GRIK1: variants seen among roughly 807,000 people sequenced by gnomAD.
GRIK1 encodes glutamate ionotropic receptor kainate type subunit 1.
A neutral mutation model predicts 105.7 loss-of-function variants in GRIK1; 69 were observed. That is an observed-to-expected ratio of 0.65 (90% CI 0.54 to 0.80). The LOEUF is 0.80. Ranked by LOEUF, GRIK1 falls within the 30% of genes least tolerant of loss-of-function variation. The pLI is 0.00. For synonymous variants in GRIK1, 438 were observed against 431.3 expected (o/e 1.02, Z -0.19); for missense variants, 1,109 against 1,167.3 (o/e 0.95, Z 0.73).
chr21:29,876,758 A>G (rs1172630858), intron 1 of GRIK1, among the ~76,000 whole-genome samples: 1 of 152,194 alleles, frequency 6.6e-6, no homozygotes, highest in African/African-American at 2.4e-5. Context: ...AATCTAGAAC[A>G]TTTTGGAGAA....
At chr21:29,904,582 C>T (rs981962824) in intron 1 of GRIK1, among the ~76,000 whole-genome samples, 5 of 152,148 alleles carry the variant, frequency 3.3e-5, no homozygotes, top group Non-Finnish European at 7.3e-5. Flanking sequence ...CTTCTCAGAC[C>T]TACTGCAATC....
chr21:29,818,763 C>T (rs1410194614), intron 1 of GRIK1, among the ~76,000 whole-genome samples: 1 of 152,012 alleles, frequency 6.6e-6, no homozygotes, highest in Non-Finnish European at 1.5e-5. Context: ...AGATACAGAA[C>T]CCACAGTGAC....
chr21:29,581,330 C>T, intron 13 of GRIK1, 95 bp downstream of exon 13: 1 of 762,872 alleles, frequency 1.3e-6, no homozygotes, highest in Admixed American at 2.0e-5. Context: ...GATGGTGTTT[C>T]ATCCTACCCT....
intron 1 of GRIK1, among the ~76,000 whole-genome samples, chr21:29,719,431 A>G (rs1165800969): frequency 2.6e-5 from 4 of 152,158 alleles, no homozygotes; most frequent in East Asian, 1.9e-4. Flanking sequence ...TCAGCCTTAC[A>G]GAGCAGAGCT....
intron 1 of GRIK1, among the ~76,000 whole-genome samples, chr21:29,912,287 C>T (rs1276464081): frequency 6.6e-6 from 1 of 152,070 alleles, no homozygotes; most frequent in Non-Finnish European, 1.5e-5. Flanking sequence ...ATTCCAAACC[C>T]CTCCCTGACC....
chr21:29,905,619 A>ATT (rs869179451), intron 1 of GRIK1, among the ~76,000 whole-genome samples: 1,433 of 72,552 alleles, frequency 0.02, 36 homozygotes, highest in African/African-American at 0.031. Flanking sequence ...CAAATTTTGT[A>ATT]TTTTTTTTTT....
At chr21:29,914,801 T>C (rs1415267425) in intron 1 of GRIK1, among the ~76,000 whole-genome samples, 2 of 151,982 alleles carry the variant, frequency 1.3e-5, no homozygotes, top group African/African-American at 4.8e-5. Flanking sequence ...TAAATTTGTA[T>C]TGAGTGTTTT....
chr21:29,602,264 T>C (rs780520834), intron 7 of GRIK1, among the ~76,000 whole-genome samples: 5 of 152,222 alleles, frequency 3.3e-5, no homozygotes, highest in Non-Finnish European at 7.3e-5. Context: ...CTGGGCTATA[T>C]AAAACATAAA....
In GRIK1 at chr21:29,883,190, GA is replaced by G. The variant is rs2069488157; in HGVS notation, c.118+56192del. Among the ~76,000 whole-genome samples, 3 of 152,034 alleles carry G rather than the reference GA, an allele frequency of 2.0e-5. No individual in the cohort carries two copies. The South Asian group carries it at 6.2e-4, about 32-fold the overall frequency. On this transcript the variant is annotated intron_variant, in intron 1 of 17. Transcript: ENST00000327783. ...GTGGTTTTCAGATATCGGGAAGTAG[GA>G]AAATGTATTTGTATATTCTACAAAA...
intron 7 of GRIK1, chr21:29,630,463 G>A (rs955179959): frequency 8.5e-6 from 4 of 470,184 alleles, no homozygotes; most frequent in South Asian, 4.7e-5. Flanking sequence ...CTGCAGGGGA[G>A]GGCTGACCTA....
chr21:29,618,847 G>T (rs1022338729), intron 7 of GRIK1, among the ~76,000 whole-genome samples: 2 of 152,178 alleles, frequency 1.3e-5, no homozygotes, highest in Non-Finnish European at 2.9e-5. Flanking sequence ...GATACAAGGG[G>T]CCGGGTGCGG....
chr21:29,593,425 C>T (rs1398260847), intron 9 of GRIK1, among the ~76,000 whole-genome samples: 2 of 152,148 alleles, frequency 1.3e-5, no homozygotes, highest in Non-Finnish European at 2.9e-5. Flanking sequence ...GCATTTTCTT[C>T]TTTTTCTTCT....
At chr21:29,645,718 G>A (rs1403667630) in intron 6 of GRIK1, among the ~76,000 whole-genome samples, 1 of 152,152 alleles carries the variant, frequency 6.6e-6, no homozygotes, top group Non-Finnish European at 1.5e-5. Flanking sequence ...CTTACTGAAT[G>A]ACTGTCATCA....
Position 29,552,788 on chromosome 21 carries a change from C to T in GRIK1, c.2607+2264G>A, listed in dbSNP as rs149553094. Among the ~76,000 whole-genome samples the T allele has an allele frequency of 2.0e-5, 3 of 152,068 alleles. No individual in the cohort carries two copies. The East Asian group carries it at 5.8e-4, about 29-fold the overall frequency. ...ATCACCATTCCTTAGAGACTCAGAA[C>T]CTACAGAAGACTGTTAAATTCTACA... On this transcript the variant is annotated intron_variant, in intron 16 of 17. Transcript: ENST00000327783.
At chr21:29,719,660 C>G (rs1335364095) in intron 1 of GRIK1, among the ~76,000 whole-genome samples, 1 of 152,106 alleles carries the variant, frequency 6.6e-6, no homozygotes, top group Non-Finnish European at 1.5e-5. Flanking sequence ...GCTTTAAAAG[C>G]TCTGCAGCAT....
chr21:29,642,241 C>T (rs573563211), intron 7 of GRIK1, among the ~76,000 whole-genome samples: 1 of 152,294 alleles, frequency 6.6e-6, no homozygotes, highest in African/African-American at 2.4e-5. Context: ...GAGGACAGTC[C>T]AGGATCCCAG....
chr21:29,934,152 A>G (rs1223240074), intron 1 of GRIK1, among the ~76,000 whole-genome samples: 2 of 152,204 alleles, frequency 1.3e-5, no homozygotes, highest in African/African-American at 4.8e-5. Context: ...AGGCATAGGT[A>G]GGTAGTGAGG....
rs34910439 is a variant in GRIK1, at chr21:29,541,575, C to CTTTTTTTTTTTTTTTTTTTTTTTT, written c.2608-3692_2608-3691insAAAAAAAAAAAAAAAAAAAAAAAA. Among the ~76,000 whole-genome samples, 104 of 95,950 alleles carry CTTTTTTTTTTTTTTTTTTTTTTTT rather than the reference C, an allele frequency of 1.1e-3. 6 individuals carry two copies. Among genetic ancestry groups the CTTTTTTTTTTTTTTTTTTTTTTTT allele is most frequent in the Admixed American group, 2.9e-3 (25 of 8,662 alleles). The allele number at this position is 95,950 out of a possible 152,430, so 62.9% of individuals were successfully genotyped here. The stretch of plus-strand genomic sequence containing the variant: ...CTATGCCATTCATTGCACTCACGGT[C>CTTTTTTTTTTTTTTTTTTTTTTTT]TTTTTTTTTTTTTTTTTTTTTGTGG... On this transcript the variant is annotated intron_variant, in intron 16 of 17. Transcript: ENST00000327783.
At chr21:29,691,138 C>T (rs1161763100) in intron 2 of GRIK1, among the ~76,000 whole-genome samples, 1 of 150,948 alleles carries the variant, frequency 6.6e-6, no homozygotes, top group Non-Finnish European at 1.5e-5. Flanking sequence ...TGGTGAAACC[C>T]CATCTCTAAT....
Sources: gnomAD v4.1 joint callset for allele counts (sites outside exome capture counted in the v4.1 genomes callset) on GRCh38, gnomAD v4.1.1 for gene constraint, MANE v1.5 for transcripts, NCBI Gene and HGNC (gene_info 2026-07-23, HGNC 2026-07-21) for gene names.